Variants in ATP13A5 observed in about 807,000 individuals in gnomAD.
The protein encoded by ATP13A5 is ATPase 13A5.
A neutral mutation model predicts 150.2 loss-of-function variants in ATP13A5; 149 were observed. That is an observed-to-expected ratio of 0.99 (90% CI 0.87 to 1.14). ATP13A5 has a LOEUF of 1.14. Among genes scored for constraint, ATP13A5 ranks in the 50% most tolerant of loss-of-function variants. ATP13A5 has a pLI of 0.00. For synonymous variants in ATP13A5, 497 were observed against 522.2 expected (o/e 0.95, Z 0.66); for missense variants, 1,383 against 1,449.3 (o/e 0.95, Z 0.74).
chr3:193,327,548 T>A (rs1272573783), intron 12 of ATP13A5, among the ~76,000 whole-genome samples: 1 of 152,196 alleles, frequency 6.6e-6, no homozygotes, highest in African/African-American at 2.4e-5. Flanking sequence ...AATGAAATGT[T>A]GATAAAGGGC....
At chr3:193,354,536 T>C (rs1439241100) in intron 5 of ATP13A5, among the ~76,000 whole-genome samples, 2 of 151,886 alleles carry the variant, frequency 1.3e-5, no homozygotes, top group Admixed American at 6.6e-5. Flanking sequence ...CAGATGTTCC[T>C]AGACTTGTCA....
intron 17 of ATP13A5, among the ~76,000 whole-genome samples, chr3:193,317,430 A>G (rs1024865696): frequency 6.6e-6 from 1 of 152,216 alleles, no homozygotes; most frequent in Non-Finnish European, 1.5e-5. Context: ...CTTCCAAATA[A>G]GTTCTCAATT....
At chr3:193,286,681 C>T (rs1339434127) in intron 26 of ATP13A5, among the ~76,000 whole-genome samples, 1 of 152,106 alleles carries the variant, frequency 6.6e-6, no homozygotes, top group Non-Finnish European at 1.5e-5. Flanking sequence ...CTGGGGCCTC[C>T]CTATTCCTTG....
chr3:193,307,102 C>T, intron 22 of ATP13A5: 1 of 1,353,652 alleles, frequency 7.4e-7, no homozygotes, highest in South Asian at 1.9e-5. Flanking sequence ...AGTAGCCTTC[C>T]TTTGTGTTTA....
intron 5 of ATP13A5, among the ~76,000 whole-genome samples, chr3:193,360,913 G>T (rs1370687639): frequency 6.6e-6 from 1 of 152,176 alleles, no homozygotes; most frequent in Non-Finnish European, 1.5e-5. Flanking sequence ...TTGACCTCAG[G>T]TGAACCACCC....
chr3:193,334,765 A>C (rs1161005481), intron 10 of ATP13A5, among the ~76,000 whole-genome samples, 164 bp downstream of exon 10: 1 of 152,234 alleles, frequency 6.6e-6, no homozygotes, highest in Admixed American at 6.5e-5. Context: ...TAAACCATTT[A>C]ATTAAAAATA....
chr3:193,333,699 A>G, intron 11 of ATP13A5, 51 bp downstream of exon 11: 1 of 1,552,474 alleles, frequency 6.4e-7, no homozygotes, highest in Non-Finnish European at 8.8e-7. Context: ...GAGTTAGGTC[A>G]AGCTCTTTGC....
At chr3:193,368,827 GA>G (rs1221465782) in intron 1 of ATP13A5, among the ~76,000 whole-genome samples, 1 of 152,062 alleles carries the variant, frequency 6.6e-6, no homozygotes, top group Non-Finnish European at 1.5e-5. Flanking sequence ...TGTGACAACT[GA>G]AACAATAAAT....
chr3:193,321,296 C>T (rs1282147254), intron 16 of ATP13A5, among the ~76,000 whole-genome samples: 2 of 152,134 alleles, frequency 1.3e-5, no homozygotes, highest in Non-Finnish European at 2.9e-5. Flanking sequence ...AGCAGCTCCA[C>T]GTTCATTGAT....
chr3:193,314,128 C>T lies in ATP13A5; in HGVS notation c.2224G>A (p.Val742Met), dbSNP rs757084912. The change falls in exon 19 of 30, where the codon GTG becomes ATG. Residue 742 changes from valine (V) to methionine (M), a missense_variant. By Grantham distance (21) the Val-to-Met change is conservative (BLOSUM62 1). Around this residue, in one of 3 missense-constraint regions of ATP13A5, gnomAD observed 568 missense variants for 621.5 expected, o/e 0.91. Coordinates refer to ENST00000342358, the MANE Select transcript of ATP13A5 (RefSeq NM_198505.4). Reference protein sequence around the residue: ...NSEMIPPGSQVIIVEADEPEE... With the variant: ...NSEMIPPGSQMIIVEADEPEE... The stretch of plus-strand genomic sequence containing the variant: ...GGTTCATCGGCCTCAACAATGATCA[C>T]TTGGCTGCCTGGAGGGATCATTTCA... The T allele has an allele frequency of 1.2e-6, 2 of 1,613,972 alleles. No individual in the cohort carries two copies. The highest frequency in any genetic ancestry group is 1.7e-5 in the Admixed American group (1 of 60,008).
At chr3:193,307,020 T>TGATAACAG (rs1392802644) in intron 22 of ATP13A5, 1 of 779,630 alleles carries the variant, frequency 1.3e-6, no homozygotes, top group Non-Finnish European at 1.6e-6. Context: ...ATTTCATTAC[T>TGATAACAG]GATAACAGGA....
At chr3:193,367,754 G>C (rs1442380549) in intron 1 of ATP13A5, among the ~76,000 whole-genome samples, 2 of 152,096 alleles carry the variant, frequency 1.3e-5, no homozygotes, top group East Asian at 3.9e-4. Flanking sequence ...TAGAGAAAAA[G>C]ACTTATACAA....
In ATP13A5 at chr3:193,315,052, A is replaced by G. The variant is rs1270636826; in HGVS notation, c.2078T>C (p.Met693Thr). Residue 693 changes from methionine to threonine, a missense_variant, in exon 18 of 30, where the codon ATG (methionine) becomes ACG (threonine). Met to Thr is a moderately conservative substitution (Grantham distance 81, BLOSUM62 -1). Around this residue, in one of 3 missense-constraint regions of ATP13A5, gnomAD observed 568 missense variants for 621.5 expected, o/e 0.91. Transcript: ENST00000342358. Reference protein sequence around the residue: ...SELTFLGLLIMENRLKKETKL... With the variant: ...SELTFLGLLITENRLKKETKL... ...GGTTTCTTTTTTCAAGCGATTCTCC[A>G]TGATGAGAAGTCCCAGAAATGTTAA... 2.5e-6 allele frequency: 4 copies of G among 1,613,532 alleles called. No individual in the cohort carries two copies. The highest frequency in any genetic ancestry group is 1.3e-5 in the African/African-American group (1 of 74,878).
intron 22 of ATP13A5, chr3:193,307,086 A>G (rs1718645106): frequency 2.0e-6 from 2 of 984,178 alleles, no homozygotes; most frequent in South Asian, 4.7e-5. Context: ...GAAATATGGG[A>G]GTCTAAGTAG....
chr3:193,278,458 C>T (rs577336795), intron 28 of ATP13A5, among the ~76,000 whole-genome samples: 1 of 152,280 alleles, frequency 6.6e-6, no homozygotes, highest in African/African-American at 2.4e-5. Context: ...AGCACATGGC[C>T]TCAGTTTTAG....
At chr3:193,354,586 T>C (rs1336409806) in intron 5 of ATP13A5, among the ~76,000 whole-genome samples, 3 of 151,668 alleles carry the variant, frequency 2.0e-5, no homozygotes, top group Admixed American at 6.6e-5. Flanking sequence ...GTCATATCTA[T>C]CTTACTTTGG....
intron 5 of ATP13A5, among the ~76,000 whole-genome samples, chr3:193,361,228 T>G (rs944268576): frequency 1.3e-5 from 2 of 152,230 alleles, no homozygotes; most frequent in Non-Finnish European, 2.9e-5. Flanking sequence ...GACAATGTTT[T>G]GAGCATTACA....
chr3:193,317,251 G>T (rs1051334008), intron 17 of ATP13A5, among the ~76,000 whole-genome samples: 1 of 152,100 alleles, frequency 6.6e-6, no homozygotes, highest in Non-Finnish European at 1.5e-5. Context: ...TGATTGCCTA[G>T]GCAAAATGAC....
intron 5 of ATP13A5, among the ~76,000 whole-genome samples, chr3:193,361,416 C>T (rs1713001993): frequency 6.6e-6 from 1 of 152,114 alleles, no homozygotes; most frequent in African/African-American, 2.4e-5. Context: ...AAATGGGTAT[C>T]TTCTAAGTAC....
Sources: gnomAD v4.1 joint callset for allele counts (sites outside exome capture counted in the v4.1 genomes callset) on GRCh38, gnomAD v4.1.1 for gene constraint, gnomAD v4.1.1 regional missense constraint, MANE v1.5 for transcripts, NCBI Gene and HGNC (gene_info 2026-07-23, HGNC 2026-07-21) for gene names.